PIAS1: variants seen among roughly 807,000 people sequenced by gnomAD.
PIAS1 encodes the protein E3 SUMO-protein ligase PIAS1.
In PIAS1, 6 loss-of-function variants were observed where a neutral mutation model predicts 71.3. That is an observed-to-expected ratio of 0.08 (90% CI 0.05 to 0.17). The LOEUF (loss-of-function observed/expected upper bound fraction) is 0.17, where lower values mean the gene tolerates loss of function less well. Ranked by LOEUF, PIAS1 falls within the 10% of genes least tolerant of loss-of-function variation. The pLI, the probability that PIAS1 is intolerant of heterozygous loss-of-function variation, is 1.00. For missense variants in PIAS1, 555 were observed against 793.6 expected (o/e 0.70, Z 3.61); for synonymous variants, 303 against 292.9 (o/e 1.03, Z -0.35).
In PIAS1 at chr15:68,106,351, CAAAAAAAAA is replaced by C. The variant is rs11313083; in HGVS notation, c.469+19614_469+19622del. ...GTGCTCATGATGAAAATGACCTTTG[CAAAAAAAAA>C]AAAAAAAAAAAAGAATAAACAAAAG... On this transcript the variant is annotated intron_variant, in intron 2 of 13. Coordinates refer to ENST00000249636, the MANE Select transcript of PIAS1 (RefSeq NM_016166.3). Among the ~76,000 whole-genome samples the C allele has an allele frequency of 7.2e-3, 668 of 92,874 alleles. 4 individuals carry two copies. Among genetic ancestry groups the C allele is most frequent in the Non-Finnish European group, 8.9e-3 (408 of 45,840 alleles). 60.9% of individuals were successfully genotyped at this position (92,874 alleles called of 152,430 possible). A position where few individuals can be genotyped will look rare whatever the true frequency, so the allele number is the denominator to read the frequency against.
At chr15:68,056,516 A>T (rs1021570340) in intron 1 of PIAS1, among the ~76,000 whole-genome samples, 1 of 152,070 alleles carries the variant, frequency 6.6e-6, no homozygotes, top group African/African-American at 2.4e-5. Flanking sequence ...TTCCAGAGGA[A>T]GTTTTTTTTT....
chr15:68,101,716 G>A (rs947420829), intron 2 of PIAS1, among the ~76,000 whole-genome samples: 1 of 152,058 alleles, frequency 6.6e-6, no homozygotes, highest in Non-Finnish European at 1.5e-5. Context: ...TTCTTTGTTA[G>A]ATTTGTGTTT....
intron 2 of PIAS1, among the ~76,000 whole-genome samples, chr15:68,096,437 ATT>A (rs569315460): frequency 7.0e-6 from 1 of 142,890 alleles, no homozygotes; most frequent in Non-Finnish European, 1.5e-5. Context: ...CAACTTTAGG[ATT>A]TTTTTTTTTT....
rs991514497 is a variant in PIAS1, at chr15:68,173,233, T to C, written c.1009-499T>C. ...AGCCGGGCACAGTGGTGTGCGCCTG[T>C]ATCCCCAGCTACTCTGGAGGCTGAG... On this transcript the variant is annotated intron_variant, in intron 8 of 13. Coordinates refer to ENST00000249636, the MANE Select transcript of PIAS1 (RefSeq NM_016166.3). This position sits in a 1 kb window ranked among gnomAD's most constrained non-coding sequence, Gnocchi z 4.3. Among the ~76,000 whole-genome samples, 4 of 152,186 alleles carry C rather than the reference T, an allele frequency of 2.6e-5. No homozygotes were observed. The highest frequency in any genetic ancestry group is 5.9e-5 in the Non-Finnish European group (4 of 68,034).
At chr15:68,061,181 C>G (rs1200891555) in intron 1 of PIAS1, among the ~76,000 whole-genome samples, 1 of 152,206 alleles carries the variant, frequency 6.6e-6, no homozygotes, top group African/African-American at 2.4e-5. Flanking sequence ...TGGTCTTCAC[C>G]TAAATCTGTA....
chr15:68,060,981 C>T (rs1271637639), intron 1 of PIAS1, among the ~76,000 whole-genome samples: 1 of 152,102 alleles, frequency 6.6e-6, no homozygotes, highest in Admixed American at 6.5e-5. Context: ...CGTGCCTGGC[C>T]CAGGATCTGG....
In PIAS1 at chr15:68,188,274, G is replaced by C. The variant is rs577393598; in HGVS notation, c.*439G>C. ...GTGGGCTTTTCTTTGTTGTGGGGAG[G>C]GGGTCGGGGGATAGTTTGATTTCCA... On this transcript the variant is annotated 3_prime_UTR_variant, in exon 14 of 14. Coordinates refer to ENST00000249636, the MANE Select transcript of PIAS1 (RefSeq NM_016166.3). 56 of 157,238 alleles carry C rather than the reference G, an allele frequency of 3.6e-4. No individual in the cohort carries two copies. The highest frequency in any genetic ancestry group is 9.3e-4 in the Admixed American group (15 of 16,190). The allele number at this position is 157,238 out of a possible 1,614,324, so 9.7% of individuals were successfully genotyped here.
intron 12 of PIAS1, among the ~76,000 whole-genome samples, chr15:68,182,170 C>T (rs2093057154): frequency 6.6e-6 from 1 of 151,230 alleles, no homozygotes; most frequent in African/African-American, 2.4e-5. Context: ...TTATCTGATC[C>T]TTCTTTTTAA....
At chr15:68,056,893 TATG>T in intron 1 of PIAS1, among the ~76,000 whole-genome samples, 1 of 152,200 alleles carries the variant, frequency 6.6e-6, no homozygotes, top group Non-Finnish European at 1.5e-5. Context: ...ACATTCCTAA[TATG>T]ATAGGAAAAA....
chr15:68,076,383 T>C (rs984164278), intron 1 of PIAS1, among the ~76,000 whole-genome samples: 5 of 152,072 alleles, frequency 3.3e-5, no homozygotes, highest in African/African-American at 1.2e-4. Context: ...GGCATGCACC[T>C]GTAGTCCCAG....
intron 2 of PIAS1, among the ~76,000 whole-genome samples, chr15:68,100,026 G>A (rs1467461708): frequency 1.3e-5 from 2 of 148,504 alleles, no homozygotes; most frequent in Non-Finnish European, 3.0e-5. Context: ...TTTGCATATT[G>A]TAGATACTAG....
rs555989604 is a variant in PIAS1, at chr15:68,095,121, AT to A, written c.469+8379del. On this transcript the variant is annotated intron_variant, in intron 2 of 13. Coordinates refer to ENST00000249636, the MANE Select transcript of PIAS1 (RefSeq NM_016166.3). ...TCTATACAATTATAATTATGAAATA[AT>A]TTTTTTTAATTGAGAGATTAAGGAG... Among the ~76,000 whole-genome samples the A allele has an allele frequency of 3.0e-3, 453 of 152,174 alleles. 2 individuals carry two copies. Among genetic ancestry groups the A allele is most frequent in the African/African-American group, 0.01 (432 of 41,516 alleles).
intron 6 of PIAS1, among the ~76,000 whole-genome samples, chr15:68,148,964 T>A (rs979714021): frequency 6.6e-5 from 10 of 151,844 alleles, no homozygotes; most frequent in Middle Eastern, 3.2e-3. Context: ...AGTCGAGGGC[T>A]AAGAGAAAGG....
intron 7 of PIAS1, among the ~76,000 whole-genome samples, chr15:68,157,475 C>A (rs1279544519): frequency 4.6e-5 from 7 of 152,192 alleles, no homozygotes; most frequent in Non-Finnish European, 8.8e-5. Flanking sequence ...TCATTATGGT[C>A]TTTAACCCTC....
intron 1 of PIAS1, chr15:68,055,853 C>T (rs982393421): frequency 1.4e-6 from 1 of 695,492 alleles, no homozygotes; most frequent in Non-Finnish European, 2.6e-6. Context: ...AATATCCTCA[C>T]CGAAAGAGCT....
intron 1 of PIAS1, among the ~76,000 whole-genome samples, chr15:68,061,618 T>C (rs1368996132): frequency 6.6e-6 from 1 of 152,234 alleles, no homozygotes; most frequent in Non-Finnish European, 1.5e-5. Flanking sequence ...TTGTAAACGT[T>C]CCTATTTTTG....
At chr15:68,092,712 C>G (rs2092343328) in intron 2 of PIAS1, among the ~76,000 whole-genome samples, 1 of 151,948 alleles carries the variant, frequency 6.6e-6, no homozygotes, top group African/African-American at 2.4e-5. Flanking sequence ...AGCTTGTTTG[C>G]CCCCTTTCAT....
intron 7 of PIAS1, among the ~76,000 whole-genome samples, chr15:68,156,184 G>GT (rs1287517557): frequency 9.8e-5 from 15 of 152,296 alleles, no homozygotes; most frequent in African/African-American, 3.1e-4. Context: ...TTGCAGTCTG[G>GT]TAAGAAAGAC....
At chr15:68,183,592 CT>C (rs752717754) in intron 12 of PIAS1, 37 bp from the exon 13 acceptor site, 5,194 of 772,812 alleles carry the variant, frequency 6.7e-3, no homozygotes, top group Admixed American at 8.6e-3. Flanking sequence ...GTTTTTCCTT[CT>C]TTTTTTTTTA....
Sources: allele counts gnomAD v4.1 joint callset (sites outside exome capture counted in the v4.1 genomes callset), GRCh38; gene constraint gnomAD v4.1.1; non-coding constraint Gnocchi (gnomAD v3.1); transcripts MANE v1.5; gene names NCBI Gene and HGNC (gene_info 2026-07-23, HGNC 2026-07-21).